The following PHEX variants were observed in gnomAD, a reference collection of about 807,000 sequenced individuals.
PHEX encodes the protein phosphate regulating endopeptidase X-linked, also known as phosphate-regulating neutral endopeptidase PHEX.
In PHEX, 16 loss-of-function variants were observed where a neutral mutation model predicts 68.0. That is an observed-to-expected ratio of 0.24 (90% CI 0.16 to 0.36). PHEX has a LOEUF of 0.36. PHEX is among the 10% of genes least tolerant of loss of function. The pLI, the probability that PHEX is intolerant of heterozygous loss-of-function variation, is 1.00. For missense variants in PHEX, 480 were observed against 575.5 expected (o/e 0.83, Z 1.70); for synonymous variants, 208 against 205.1 (o/e 1.01, Z -0.12).
intron 9 of PHEX, among the ~76,000 whole-genome samples, chrX:22,107,798 C>G (rs1391453845): frequency 8.9e-6 from 1 of 111,860 alleles, no homozygotes; most frequent in Non-Finnish European, 1.9e-5. Context: ...CCTCATCTCC[C>G]CTGCTCAGCT....
intron 12 of PHEX, among the ~76,000 whole-genome samples, chrX:22,160,346 C>T (rs1389176845): frequency 6.3e-5 from 7 of 110,264 alleles, no homozygotes; most frequent in African/African-American, 2.0e-4. Context: ...GTCAGGAGTT[C>T]GAGACCAGCC....
At chrX:22,166,211 C>T (rs886839772) in intron 12 of PHEX, among the ~76,000 whole-genome samples, 1 of 112,018 alleles carries the variant, frequency 8.9e-6, no homozygotes, top group African/African-American at 3.2e-5. Flanking sequence ...GCATCCTGGC[C>T]ATCTTTCACA....
intron 14 of PHEX, 29 bp downstream of exon 14, chrX:22,178,405 G>C (rs1933779446): frequency 1.1e-6 from 1 of 880,169 alleles, no homozygotes; most frequent in Non-Finnish European, 1.7e-6. Flanking sequence ...AAGTTAAATA[G>C]ATAAATACAT....
intron 17 of PHEX, among the ~76,000 whole-genome samples, chrX:22,220,737 C>T (rs1481117591): frequency 1.8e-5 from 2 of 112,010 alleles, no homozygotes; most frequent in African/African-American, 6.5e-5. Context: ...TCCATACTAT[C>T]CCAGGGGGTG....
chrX:22,148,360 C>A (rs1932764900), intron 12 of PHEX, among the ~76,000 whole-genome samples: 1 of 111,453 alleles, frequency 9.0e-6, no homozygotes, highest in African/African-American at 3.3e-5. Flanking sequence ...ATATAATTGA[C>A]AAATAATAAT....
intron 5 of PHEX, among the ~76,000 whole-genome samples, chrX:22,078,209 C>T (rs1929245044): frequency 8.9e-6 from 1 of 112,111 alleles, no homozygotes; most frequent in Non-Finnish European, 1.9e-5. Flanking sequence ...TGTTCTGTTC[C>T]AAGTGCTTGG....
intron 1 of PHEX, among the ~76,000 whole-genome samples, chrX:22,036,054 A>ATATATTT (rs1349859330): frequency 1.4e-4 from 8 of 56,738 alleles, no homozygotes; most frequent in African/African-American, 5.5e-4. Context: ...ATATATATAT[A>ATATATTT]TTTTTTTTTT....
At chrX:22,035,166 T>TTG (rs1926953448) in intron 1 of PHEX, among the ~76,000 whole-genome samples, 1 of 111,810 alleles carries the variant, frequency 8.9e-6, no homozygotes, top group African/African-American at 3.2e-5. Flanking sequence ...TACCTCATCT[T>TTG]TGTATCTGAG....
intron 14 of PHEX, among the ~76,000 whole-genome samples, chrX:22,185,376 T>C (rs763530533): frequency 5.3e-5 from 6 of 112,366 alleles, no homozygotes; most frequent in Non-Finnish European, 1.1e-4. Flanking sequence ...ATAAGCAACT[T>C]AAAATCTTGT....
At chrX:22,236,991 AT>A (rs1936004664) in intron 20 of PHEX, among the ~76,000 whole-genome samples, 1 of 112,537 alleles carries the variant, frequency 8.9e-6, no homozygotes, top group Admixed American at 9.4e-5. Flanking sequence ...GTGGAAAGCT[AT>A]TTTATATCTT....
rs370452105 is a variant in PHEX, at chrX:22,149,882, TAAG to T, written c.1404+16261_1404+16263del. Reference sequence around the variant, plus strand: ...CCATTAAAAATGATTCATGAAAAAATAAGAATCTCATCAGAGAGAGAGAGAGAC... The same window carrying T: ...CCATTAAAAATGATTCATGAAAAAATAATCTCATCAGAGAGAGAGAGAGAC... On this transcript the variant is annotated intron_variant, in intron 12 of 21. Coordinates refer to ENST00000379374, the MANE Select transcript of PHEX (RefSeq NM_000444.6). Among the ~76,000 whole-genome samples, 581 of 112,476 alleles carry T rather than the reference TAAG, an allele frequency of 5.2e-3. 1 individual carries two copies. The highest frequency in any genetic ancestry group is 0.014 in the Middle Eastern group (3 of 215).
intron 12 of PHEX, among the ~76,000 whole-genome samples, chrX:22,133,927 T>A (rs1932125463): frequency 8.9e-6 from 1 of 112,182 alleles, no homozygotes; most frequent in Non-Finnish European, 1.9e-5. Flanking sequence ...TCATAAACCA[T>A]CACTGGATAT....
intron 11 of PHEX, among the ~76,000 whole-genome samples, chrX:22,119,495 G>C (rs991204076): frequency 4.5e-5 from 5 of 111,374 alleles, no homozygotes; most frequent in African/African-American, 1.6e-4. Context: ...AATGGCAGGA[G>C]AGAGGATTAG....
At chrX:22,133,411 T>C in intron 11 of PHEX, 112 bp from the exon 12 acceptor site, 1 of 561,531 alleles carries the variant, frequency 1.8e-6, no homozygotes, top group Non-Finnish European at 3.2e-6. Flanking sequence ...AAGAACCCCT[T>C]ACTTACCATG....
intron 20 of PHEX, among the ~76,000 whole-genome samples, chrX:22,234,711 G>A (rs1248581285): frequency 9.1e-6 from 1 of 110,136 alleles, no homozygotes; most frequent in African/African-American, 3.3e-5. Context: ...GGGCTCTGTG[G>A]GGGTAGGACC....
chrX:22,216,531 AT>A, intron 16 of PHEX, among the ~76,000 whole-genome samples: 1 of 101,763 alleles, frequency 9.8e-6, no homozygotes, highest in South Asian at 4.2e-4. Flanking sequence ...TTATTTATTT[AT>A]TTATGAGACA....
chrX:22,037,536 C>A (rs1270796294), intron 1 of PHEX, among the ~76,000 whole-genome samples: 6 of 112,286 alleles, frequency 5.3e-5, no homozygotes, highest in Non-Finnish European at 5.6e-5. Context: ...AAATTGGGCA[C>A]CCTTCTGTAC....
intron 2 of PHEX, among the ~76,000 whole-genome samples, chrX:22,040,135 C>T (rs750919760): frequency 8.9e-6 from 1 of 111,857 alleles, no homozygotes; most frequent in African/African-American, 3.2e-5. Context: ...AGCCCTCACC[C>T]TCATTCTTTA....
At chrX:22,108,669 C>T (rs1024053916) in intron 9 of PHEX, among the ~76,000 whole-genome samples, 12 of 111,638 alleles carry the variant, frequency 1.1e-4, no homozygotes, top group Admixed American at 2.9e-4. Context: ...TCAGCTGATA[C>T]GGTGGCTCAC....
Sources: gnomAD v4.1 joint callset for allele counts (sites outside exome capture counted in the v4.1 genomes callset) on GRCh38, gnomAD v4.1.1 for gene constraint, MANE v1.5 for transcripts, NCBI Gene and HGNC (gene_info 2026-07-23, HGNC 2026-07-21) for gene names.